Variants in DOCK8 observed in about 807,000 individuals in gnomAD.
DOCK8 encodes dedicator of cytokinesis protein 8.
DOCK8 carries 141 observed loss-of-function variants against 245.6 expected under a neutral mutation model. That is an observed-to-expected ratio of 0.57 (90% CI 0.50 to 0.66). DOCK8 has a LOEUF of 0.66. Ranked by LOEUF, DOCK8 falls within the 30% of genes least tolerant of loss-of-function variation. The pLI, the probability that DOCK8 is intolerant of heterozygous loss-of-function variation, is 0.00. For missense variants in DOCK8, 2,965 were observed against 2,603.4 expected (o/e 1.14, Z -3.02); for synonymous variants, 1,168 against 970.2 (o/e 1.20, Z -3.79).
intron 1 of DOCK8, among the ~76,000 whole-genome samples, chr9:252,389 A>G (rs1192954512): frequency 6.6e-6 from 1 of 152,166 alleles, no homozygotes; most frequent in Non-Finnish European, 1.5e-5. Context: ...AGATCACACA[A>G]TTAGTAGATG....
Position 400,253 on chromosome 9 carries a change from TCACCACCACCTC to T in DOCK8, c.3234+1000_3234+1011del, listed in dbSNP as rs2054804696. On this transcript the variant is annotated intron_variant, in intron 26 of 47. Coordinates refer to ENST00000432829, the MANE Select transcript of DOCK8 (RefSeq NM_203447.4). ...TCCACCATCACCACCACCTCCACCA[TCACCACCACCTC>T]CACCATCACCACCACTTCCTTCACC... Among the ~76,000 whole-genome samples the T allele has an allele frequency of 4.7e-4, 9 of 19,020 alleles. No individual in the cohort carries two copies. In the East Asian group the frequency reaches 0.01, roughly 21 times the overall value. 12.5% of individuals were successfully genotyped at this position (19,020 alleles called of 152,430 possible).
intron 10 of DOCK8, among the ~76,000 whole-genome samples, chr9:333,675 C>T (rs2051161702): frequency 1.3e-5 from 2 of 149,240 alleles, no homozygotes; most frequent in South Asian, 4.2e-4. Flanking sequence ...TCATAAATGT[C>T]AAGTAAGATT....
chr9:298,985 A>C (rs1417730901), intron 4 of DOCK8, among the ~76,000 whole-genome samples: 1 of 152,130 alleles, frequency 6.6e-6, no homozygotes, highest in Non-Finnish European at 1.5e-5. Flanking sequence ...GGATAAATTA[A>C]TGTTAGATAA....
At chr9:446,836 T>C (rs1309274977) in intron 44 of DOCK8, among the ~76,000 whole-genome samples, 1 of 151,880 alleles carries the variant, frequency 6.6e-6, no homozygotes, top group African/African-American at 2.4e-5. Flanking sequence ...TAAAGTTATA[T>C]CTTTAGTATA....
At chr9:415,207 C>G (rs1209124532) in intron 29 of DOCK8, among the ~76,000 whole-genome samples, 1 of 152,144 alleles carries the variant, frequency 6.6e-6, no homozygotes, top group African/African-American at 2.4e-5. Flanking sequence ...ATTCATTGAT[C>G]TGCTAGTATG....
At chr9:415,118 A>T (rs983722015) in intron 29 of DOCK8, among the ~76,000 whole-genome samples, 167 bp downstream of exon 29, 1 of 152,232 alleles carries the variant, frequency 6.6e-6, no homozygotes, top group African/African-American at 2.4e-5. Flanking sequence ...CAGTTAAAAA[A>T]ACAAAAAAAG....
chr9:215,641 A>C, intron 1 of DOCK8: 1 of 451,304 alleles, frequency 2.2e-6, no homozygotes, highest in Non-Finnish European at 3.8e-6. Flanking sequence ...AAATAAACCA[A>C]AAGAAATGGC....
chr9:306,821 A>G (rs1332465008), intron 5 of DOCK8, among the ~76,000 whole-genome samples: 1 of 152,172 alleles, frequency 6.6e-6, no homozygotes, highest in Non-Finnish European at 1.5e-5. Flanking sequence ...AAGATCTTGG[A>G]GTTGTCAGAA....
chr9:353,499 C>G (rs2052276281), intron 14 of DOCK8, among the ~76,000 whole-genome samples: 1 of 152,182 alleles, frequency 6.6e-6, no homozygotes, highest in African/African-American at 2.4e-5. Flanking sequence ...ATATCAGCCT[C>G]AGCACCAGCA....
chr9:317,975 C>A (rs1345332951), intron 7 of DOCK8, among the ~76,000 whole-genome samples: 7 of 149,600 alleles, frequency 4.7e-5, no homozygotes, highest in Non-Finnish European at 3.0e-5. Context: ...ACTATGATAG[C>A]AAAAAAAAAA....
chr9:221,670 A>C (rs1481557642), intron 1 of DOCK8, among the ~76,000 whole-genome samples: 1 of 151,622 alleles, frequency 6.6e-6, no homozygotes, highest in African/African-American at 2.4e-5. Flanking sequence ...AAAAAAAAAA[A>C]AATTAGCCAG....
At chr9:295,413 A>G (rs1329688732) in intron 4 of DOCK8, among the ~76,000 whole-genome samples, 1 of 152,108 alleles carries the variant, frequency 6.6e-6, no homozygotes, top group Non-Finnish European at 1.5e-5. Flanking sequence ...TTATCCCAAT[A>G]TTCCCTCCAA....
chr9:287,652 A>G (rs1315815323), intron 3 of DOCK8, among the ~76,000 whole-genome samples: 1 of 152,222 alleles, frequency 6.6e-6, no homozygotes, highest in East Asian at 1.9e-4. Flanking sequence ...AGAACTGACC[A>G]TATGTGTAGC....
intron 14 of DOCK8, among the ~76,000 whole-genome samples, chr9:352,672 G>A (rs2052229008): frequency 6.6e-6 from 1 of 150,654 alleles, no homozygotes; most frequent in African/African-American, 2.5e-5. Flanking sequence ...GAACTTGGAG[G>A]TGGAGGTTGC....
intron 1 of DOCK8, among the ~76,000 whole-genome samples, chr9:268,947 TATCA>T (rs1202766262): frequency 1.3e-5 from 2 of 152,356 alleles, no homozygotes; most frequent in African/African-American, 4.8e-5. Context: ...AAAATCAGTC[TATCA>T]AGCACTTGGA....
Position 429,797 on chromosome 9 carries a change from G to A in DOCK8, c.4569G>A (p.Arg1523=). The A allele has an allele frequency of 6.2e-7, 1 of 1,614,162 alleles. No homozygotes were observed. Among genetic ancestry groups the A allele is most frequent in the East Asian group, 2.2e-5 (1 of 44,872 alleles). The change falls in exon 36 of 48, where the codon CGG becomes CGA. Residue 1523 remains arginine, a synonymous_variant. Coordinates refer to ENST00000432829, the MANE Select transcript of DOCK8 (RefSeq NM_203447.4). Reference sequence around the variant, plus strand: ...GCAGCAGCAGCATGGATGTCACCCGGAGCCAAGCCTGTGCCACCCTTTACC... The same window carrying A: ...GCAGCAGCAGCATGGATGTCACCCGAAGCCAAGCCTGTGCCACCCTTTACC... ...HHCSSSMDVT[R]SQACATLYLL... is the part of the protein sequence containing the mutation.
At chr9:368,344 G>A (rs1420144887) in intron 15 of DOCK8, 2 of 723,182 alleles carry the variant, frequency 2.8e-6, no homozygotes, top group South Asian at 1.5e-5. Flanking sequence ...ATTCTGTAGT[G>A]AGCTTGGAAC....
intron 14 of DOCK8, among the ~76,000 whole-genome samples, chr9:342,297 CTT>C (rs34071975): frequency 0.085 from 10,617 of 124,334 alleles, 1,335 homozygotes; most frequent in African/African-American, 0.3. Flanking sequence ...TTTCTTTTTT[CTT>C]TTTTTTTTTT....
chr9:265,362 A>G (rs1216955063), intron 1 of DOCK8, among the ~76,000 whole-genome samples: 1 of 152,194 alleles, frequency 6.6e-6, no homozygotes, highest in African/African-American at 2.4e-5. Context: ...AACAATGGCT[A>G]TTTTGCAAGG....
Sources: gnomAD v4.1 joint callset for allele counts (sites outside exome capture counted in the v4.1 genomes callset) on GRCh38, gnomAD v4.1.1 for gene constraint, MANE v1.5 for transcripts, NCBI Gene and HGNC (gene_info 2026-07-23, HGNC 2026-07-21) for gene names.